The following CRIM1 variants were observed in gnomAD, a reference collection of about 807,000 sequenced individuals.
The protein encoded by CRIM1 is cysteine rich transmembrane BMP regulator 1.
A neutral mutation model predicts 116.4 loss-of-function variants in CRIM1; 32 were observed. The observed-to-expected ratio is 0.27, with a 90% CI of 0.21 to 0.37. The LOEUF (loss-of-function observed/expected upper bound fraction) is 0.37. Among genes scored for constraint, CRIM1 ranks in the 10% least tolerant of loss-of-function variants. The probability of loss-of-function intolerance (pLI) is 1.00; values close to 1 mark genes in which losing one functional copy is unlikely to be tolerated. For synonymous variants in CRIM1, 590 were observed against 509.2 expected, an observed-to-expected ratio of 1.16 and a Z score of -2.13; for missense variants, 1,331 against 1,354.8, an observed-to-expected ratio of 0.98 and a Z score of 0.28.
chr2:36,466,538 A>G (rs1376411966), intron 5 of CRIM1, among the ~76,000 whole-genome samples: 3 of 152,200 alleles, frequency 2.0e-5, no homozygotes, highest in Non-Finnish European at 4.4e-5. Context: ...CCAGCATCTC[A>G]GATATGCTTC....
At chr2:36,395,010 C>CTTTTTTT (rs772105466) in intron 1 of CRIM1, among the ~76,000 whole-genome samples, 2 of 113,442 alleles carry the variant, frequency 1.8e-5, no homozygotes, top group Non-Finnish European at 3.6e-5. Context: ...TTTGTACTGT[C>CTTTTTTT]TTTTTTTTTT....
intron 4 of CRIM1, among the ~76,000 whole-genome samples, chr2:36,456,829 A>C (rs746925805): frequency 2.1e-5 from 3 of 142,480 alleles, no homozygotes; most frequent in Non-Finnish European, 3.1e-5. Context: ...ACTAACCCTG[A>C]TTTTTTTTTT....
intron 1 of CRIM1, among the ~76,000 whole-genome samples, chr2:36,381,373 G>A (rs1670758097): frequency 6.6e-6 from 1 of 152,234 alleles, no homozygotes; most frequent in East Asian, 1.9e-4. Context: ...GGAGCCGGCA[G>A]GTTTCCTCAG....
chr2:36,475,470 G>T lies in CRIM1; in HGVS notation c.992-1419G>T, dbSNP rs546489284. On this transcript the variant is annotated intron_variant, in intron 5 of 16. Transcript: ENST00000280527. ...TTGAACTTGTTTATACATTCTGATA[G>T]TTTTTTAGTGGATCCCTTAAAACTG... Among the ~76,000 whole-genome samples, 23 of 152,290 alleles carry T rather than the reference G, an allele frequency of 1.5e-4. No homozygotes were observed. In the South Asian group the frequency reaches 4.6e-3, roughly 30 times the overall value.
At chr2:36,426,990 C>G (rs1434468989) in intron 2 of CRIM1, among the ~76,000 whole-genome samples, 1 of 152,054 alleles carries the variant, frequency 6.6e-6, no homozygotes, top group African/African-American at 2.4e-5. Context: ...ATCACGAGGT[C>G]AGGAATTCAA....
At chr2:36,538,939 A>C (rs1465684598) in intron 14 of CRIM1, among the ~76,000 whole-genome samples, 1 of 152,192 alleles carries the variant, frequency 6.6e-6, no homozygotes, top group Non-Finnish European at 1.5e-5. Context: ...ACTTGACCTT[A>C]TTTATTTCAC....
rs570662980 is a variant in CRIM1 at position 36,507,407 on chromosome 2, G to C, written c.1502-2576G>C. On this transcript the variant is annotated intron_variant, in intron 8 of 16. Coordinates refer to ENST00000280527, the MANE Select transcript of CRIM1 (RefSeq NM_016441.3). Reference sequence around the variant, plus strand: ...AGTCTTGATGACAGTGGAGGAGTAGGTAACAAGAACATTGATTGATGCATT... The same window carrying C: ...AGTCTTGATGACAGTGGAGGAGTAGCTAACAAGAACATTGATTGATGCATT... Among the ~76,000 whole-genome samples the C allele has an allele frequency of 3.3e-5, 5 of 152,320 alleles. No homozygotes were observed. In the South Asian group the frequency reaches 1.0e-3, roughly 32 times the overall value.
At chr2:36,472,211 T>G (rs546955269) in intron 5 of CRIM1, among the ~76,000 whole-genome samples, 2 of 152,322 alleles carry the variant, frequency 1.3e-5, no homozygotes, top group South Asian at 2.1e-4. Flanking sequence ...CCACATCCAC[T>G]TAAATCATCC....
intron 5 of CRIM1, among the ~76,000 whole-genome samples, chr2:36,467,874 AT>A (rs1431104233): frequency 1.3e-5 from 2 of 152,150 alleles, no homozygotes; most frequent in African/African-American, 4.8e-5. Flanking sequence ...TCTAATAGAG[AT>A]TTTTCATATG....
intron 1 of CRIM1, among the ~76,000 whole-genome samples, chr2:36,380,428 C>T (rs930173818): frequency 3.9e-5 from 6 of 152,136 alleles, no homozygotes; most frequent in Non-Finnish European, 8.8e-5. Flanking sequence ...CAGCCCTAAG[C>T]TCCAGAGGGT....
chr2:36,520,040 A>G (rs1439348823), intron 12 of CRIM1, among the ~76,000 whole-genome samples: 1 of 152,188 alleles, frequency 6.6e-6, no homozygotes, highest in Non-Finnish European at 1.5e-5. Flanking sequence ...AAATGAGAAA[A>G]GAGGCCCAAA....
intron 1 of CRIM1, among the ~76,000 whole-genome samples, chr2:36,377,074 C>G (rs1234672450): frequency 6.6e-6 from 1 of 152,188 alleles, no homozygotes; most frequent in African/African-American, 2.4e-5. Context: ...TTCCGGAAGG[C>G]CCACATCCAA....
chr2:36,481,532 G>A (rs1233684846), intron 7 of CRIM1, among the ~76,000 whole-genome samples: 1 of 152,196 alleles, frequency 6.6e-6, no homozygotes, highest in East Asian at 1.9e-4. Context: ...CTTTAACTTT[G>A]AAGAGCCTAT....
Position 36,522,089 on chromosome 2 carries a change from C to T in CRIM1, c.2207-3C>T. ...TTGCTGACCTATATGTTCATTTTTCCAGATCAACCTTTTCGGCCTTCCTTG... is the reference window on the plus strand; with the variant it reads ...TTGCTGACCTATATGTTCATTTTTCTAGATCAACCTTTTCGGCCTTCCTTG... On this transcript the variant is annotated splice_region_variant and splice_polypyrimidine_tract_variant and intron_variant, in intron 12 of 16. Transcript: ENST00000280527. 6.2e-7 allele frequency: 1 copy of T among 1,613,736 alleles called. No individual in the cohort carries two copies. Among genetic ancestry groups the T allele is most frequent in the South Asian group, 1.1e-5 (1 of 91,072 alleles).
rs564149579 is a variant in CRIM1, at chr2:36,361,814, G to A, written c.331+5191G>A. 6.2e-4 allele frequency among the ~76,000 whole-genome samples: 94 copies of A among 152,258 alleles called. 2 individuals are homozygous for A. The South Asian group carries it at 7.7e-3, about 12-fold the overall frequency. ...GCGGGTTCCTGTAACACTGTGTTCC[G>A]TATGGCACGTTTGGTATCAGGATTT... On this transcript the variant is annotated intron_variant, in intron 1 of 16. Transcript: ENST00000280527.
chr2:36,518,371 T>C (rs796316063), intron 12 of CRIM1, among the ~76,000 whole-genome samples: 5 of 152,372 alleles, frequency 3.3e-5, no homozygotes, highest in African/African-American at 1.2e-4. Context: ...AACATATTCT[T>C]AGAGCATTTC....
chr2:36,426,126 A>C (rs1227214928), intron 2 of CRIM1, among the ~76,000 whole-genome samples: 1 of 152,232 alleles, frequency 6.6e-6, no homozygotes, highest in Non-Finnish European at 1.5e-5. Context: ...AAAAAACAGA[A>C]ATCTGGGACC....
chr2:36,442,493 A>C, intron 3 of CRIM1, 122 bp from the exon 4 acceptor site: 1 of 1,139,594 alleles, frequency 8.8e-7, no homozygotes, highest in Non-Finnish European at 1.3e-6. Context: ...TGTCGACACT[A>C]GGACTGGGTT....
intron 1 of CRIM1, among the ~76,000 whole-genome samples, chr2:36,394,957 T>C (rs573327522): frequency 6.6e-6 from 1 of 151,724 alleles, no homozygotes; most frequent in Non-Finnish European, 1.5e-5. Flanking sequence ...TGAGCAATGA[T>C]GCCAGCAATA....
Sources: gnomAD v4.1 joint callset for allele counts (sites outside exome capture counted in the v4.1 genomes callset) on GRCh38, gnomAD v4.1.1 for gene constraint, MANE v1.5 for transcripts, NCBI Gene and HGNC (gene_info 2026-07-23, HGNC 2026-07-21) for gene names.